PDE8B: variants seen among roughly 807,000 people sequenced by gnomAD.
PDE8B encodes high affinity cAMP-specific and IBMX-insensitive 3',5'-cyclic phosphodiesterase 8B.
In PDE8B, 26 loss-of-function variants were observed where a neutral mutation model predicts 101.3. The ratio of observed to expected loss-of-function variants is 0.26; its 90% CI spans 0.19 to 0.36. The LOEUF (loss-of-function observed/expected upper bound fraction) is 0.36, where lower values mean the gene tolerates loss of function less well. PDE8B is among the 10% of genes least tolerant of loss of function. PDE8B has a pLI of 1.00. For missense variants in PDE8B, 810 were observed against 1,163.1 expected (o/e 0.70, Z 4.42); for synonymous variants, 424 against 429.3 (o/e 0.99, Z 0.15).
intron 2 of PDE8B, among the ~76,000 whole-genome samples, chr5:77,325,028 G>A (rs1775781203): frequency 1.3e-5 from 2 of 152,126 alleles, no homozygotes; most frequent in Admixed American, 1.3e-4. Flanking sequence ...AGAAACTGTA[G>A]GCCAAAGAGG....
At chr5:77,198,692 T>G in the PDE8B span, among the ~76,000 whole-genome samples, 1 of 152,212 alleles carries the variant, frequency 6.6e-6, no homozygotes, top group Non-Finnish European at 1.5e-5. Context: ...ACATTTTATC[T>G]GATTTTCTAG....
At chr5:77,326,045 G>A (rs779371513) in intron 3 of PDE8B, among the ~76,000 whole-genome samples, 1 of 152,158 alleles carries the variant, frequency 6.6e-6, no homozygotes, top group Non-Finnish European at 1.5e-5. Context: ...GCATTACACA[G>A]ATACGGTTTG....
intron 1 of PDE8B, among the ~76,000 whole-genome samples, chr5:77,233,215 A>G (rs1007856178): frequency 6.6e-6 from 1 of 151,974 alleles, no homozygotes; most frequent in African/African-American, 2.4e-5. Flanking sequence ...CTTCTCCTTT[A>G]TGACCTCTCA....
At chr5:77,324,198 G>A (rs1167363298) in intron 2 of PDE8B, among the ~76,000 whole-genome samples, 1 of 152,094 alleles carries the variant, frequency 6.6e-6, no homozygotes, top group Non-Finnish European at 1.5e-5. Flanking sequence ...ATTACTATAG[G>A]TTTTTCTTAT....
At chr5:77,209,779 C>T (rs1357255608), upstream of PDE8B, among the ~76,000 whole-genome samples, 1 of 152,150 alleles carries the variant, frequency 6.6e-6, no homozygotes, top group Non-Finnish European at 1.5e-5. Flanking sequence ...TTTAGTGACA[C>T]CTAAGGAAGA....
At chr5:77,112,912 T>C in the PDE8B span, 1 of 152,116 alleles carries the variant, frequency 6.6e-6, no homozygotes, top group African/African-American at 2.4e-5. Context: ...GCCCTCCCAT[T>C]CACGATTGCT....
At chr5:77,372,644 G>C (rs916874326) in intron 10 of PDE8B, among the ~76,000 whole-genome samples, 2 of 152,218 alleles carry the variant, frequency 1.3e-5, no homozygotes, top group Admixed American at 6.5e-5. Context: ...TGTCCATACA[G>C]GTGAGTTGTA....
chr5:77,117,959 G>A, the PDE8B span, among the ~76,000 whole-genome samples: 1 of 152,018 alleles, frequency 6.6e-6, no homozygotes, highest in South Asian at 2.1e-4. Flanking sequence ...TTTTGAGACG[G>A]AGTTTCGCTC....
chr5:77,091,303 A>C, the PDE8B span, among the ~76,000 whole-genome samples: 1 of 152,248 alleles, frequency 6.6e-6, no homozygotes, highest in South Asian at 2.1e-4. Flanking sequence ...CCATAAATAC[A>C]TACAAATATT....
At chr5:77,140,766 C>T in the PDE8B span, 1 of 152,158 alleles carries the variant, frequency 6.6e-6, no homozygotes, top group East Asian at 1.9e-4. Context: ...CACTCAGCAC[C>T]CTCTCTCCAG....
chr5:77,312,978 C>T (rs1773009196), intron 2 of PDE8B, among the ~76,000 whole-genome samples: 1 of 152,136 alleles, frequency 6.6e-6, no homozygotes, highest in Admixed American at 6.6e-5. Flanking sequence ...GTTCCCGTGC[C>T]CCCTTAAGAG....
the PDE8B span, among the ~76,000 whole-genome samples, chr5:77,121,414 T>G: frequency 1.3e-5 from 2 of 152,154 alleles, no homozygotes; most frequent in Admixed American, 6.5e-5. Flanking sequence ...TGACCTGGTT[T>G]TGGAAATCAC....
chr5:77,258,289 C>CAAAAAA (rs70988662), intron 1 of PDE8B, among the ~76,000 whole-genome samples: 1 of 88,578 alleles, frequency 1.1e-5, no homozygotes. Context: ...GACTCCATCT[C>CAAAAAA]AAAAAAAAAA....
the PDE8B span, among the ~76,000 whole-genome samples, chr5:77,177,369 T>C: frequency 6.6e-6 from 1 of 152,262 alleles, no homozygotes; most frequent in African/African-American, 2.4e-5. Context: ...TACGTACCTA[T>C]GATAAAGTTT....
chr5:77,182,343 C>A, the PDE8B span, among the ~76,000 whole-genome samples: 1 of 151,740 alleles, frequency 6.6e-6, no homozygotes, highest in Admixed American at 6.6e-5. Flanking sequence ...ACAAATCATT[C>A]AGGCTTAAAG....
intron 10 of PDE8B, among the ~76,000 whole-genome samples, chr5:77,394,129 G>A (rs1790521915): frequency 6.6e-6 from 1 of 152,166 alleles, no homozygotes. Context: ...GGAGAACTCA[G>A]GTAGAGGGAA....
At chr5:77,218,996 G>C (rs921437631) in intron 1 of PDE8B, among the ~76,000 whole-genome samples, 1 of 152,148 alleles carries the variant, frequency 6.6e-6, no homozygotes, top group Non-Finnish European at 1.5e-5. Context: ...CACAGACATG[G>C]GTTTTGTCTG....
the PDE8B span, among the ~76,000 whole-genome samples, chr5:77,178,403 C>T: frequency 6.6e-6 from 1 of 152,196 alleles, no homozygotes; most frequent in Non-Finnish European, 1.5e-5. Context: ...GCTTTACCTT[C>T]CACAAATCTC....
At chr5:77,177,080 T>G in the PDE8B span, among the ~76,000 whole-genome samples, 12 of 152,174 alleles carry the variant, frequency 7.9e-5, no homozygotes, top group Middle Eastern at 3.2e-3. Flanking sequence ...TTCTTCTTTT[T>G]TCCTCTTTTA....
Sources: gnomAD v4.1 joint callset for allele counts (sites outside exome capture counted in the v4.1 genomes callset) on GRCh38, gnomAD v4.1.1 for gene constraint, MANE v1.5 for transcripts, NCBI Gene and HGNC (gene_info 2026-07-23, HGNC 2026-07-21) for gene names.